Variants in ELAPOR1 observed in about 807,000 individuals in gnomAD.
The protein encoded by ELAPOR1 is endosome-lysosome associated apoptosis and autophagy regulator 1, also known as endosome/lysosome-associated apoptosis and autophagy regulator 1.
ELAPOR1 carries 77 observed loss-of-function variants against 119.7 expected under a neutral mutation model. That is an observed-to-expected ratio of 0.64 (90% confidence interval 0.54 to 0.78). The LOEUF (loss-of-function observed/expected upper bound fraction) is 0.78, where lower values mean the gene tolerates loss of function less well. Among genes scored for constraint, ELAPOR1 ranks in the 30% least tolerant of loss-of-function variants. The pLI is 0.00. For synonymous variants in ELAPOR1, 481 were observed against 487.2 expected, an observed-to-expected ratio of 0.99 and a Z score of 0.17; for missense variants, 1,115 against 1,270.4, an observed-to-expected ratio of 0.88 and a Z score of 1.86.
At chr1:109,126,964 G>A (rs1008061910) in intron 1 of ELAPOR1, among the ~76,000 whole-genome samples, 3 of 152,080 alleles carry the variant, frequency 2.0e-5, no homozygotes, top group Admixed American at 6.6e-5. Flanking sequence ...CAGATGGGCC[G>A]GGTGGAGAAT....
chr1:109,192,523 G>A, intron 13 of ELAPOR1, 88 bp from the exon 14 acceptor site: 1 of 1,368,888 alleles, frequency 7.3e-7, no homozygotes, highest in South Asian at 1.3e-5. Context: ...CAGGATAGAA[G>A]ATTAAGTACC....
rs941957435 is a variant in ELAPOR1 at position 109,188,108 on chromosome 1, C to T, written c.1042-69C>T. 13 of 1,535,684 alleles carry T rather than the reference C, an allele frequency of 8.5e-6. No homozygotes were observed. In the African/African-American group the frequency reaches 1.6e-4, roughly 19 times the overall value. On this transcript the variant is annotated intron_variant, in intron 8 of 21. Transcript: ENST00000369939. ...TGGATCTCTGCCCCCAGCCCCTATC[C>T]TCAAGGTAGAGTCCCAAAGATGTCC...
At chr1:109,153,648 GTTTTGTTTT>G (rs1412907488) in intron 1 of ELAPOR1, among the ~76,000 whole-genome samples, 1 of 151,760 alleles carries the variant, frequency 6.6e-6, no homozygotes, top group Non-Finnish European at 1.5e-5. Flanking sequence ...GTTTTGTTTT[GTTTTGTTTT>G]GAGACAGAGT....
intron 1 of ELAPOR1, among the ~76,000 whole-genome samples, chr1:109,117,040 G>A (rs909207584): frequency 9.1e-5 from 13 of 142,162 alleles, no homozygotes; most frequent in African/African-American, 3.4e-4. Flanking sequence ...AGCTGATGTT[G>A]GGTGTTGATG....
chr1:109,200,177 G>C lies in ELAPOR1; in HGVS notation c.2747G>C (p.Gly916Ala). ...TGGCTGAAAGTGGGCATCTCTGCAG[G>C]CACCTGTACTGCCATCCTGCTCACC... ...DFWLKVGISA[G>A]TCTAILLTVL... The change falls in exon 20 of 22, where the codon GGC becomes GCC. Residue 916 changes from glycine (G) to alanine (A), a missense_variant. Gly to Ala is a moderately conservative substitution (Grantham distance 60). Transcript: ENST00000369939. The C allele has an allele frequency of 6.2e-7, 1 of 1,614,206 alleles. No individual in the cohort carries two copies. Among genetic ancestry groups the C allele is most frequent in the Non-Finnish European group, 8.5e-7 (1 of 1,180,040 alleles).
chr1:109,192,529 GTACCTTGCTCTTTC>G (rs1653502606), intron 13 of ELAPOR1, 68 bp from the exon 14 acceptor site: 1 of 1,407,072 alleles, frequency 7.1e-7, no homozygotes, highest in South Asian at 1.3e-5. Context: ...AGAAGATTAA[GTACCTTGCTCTTTC>G]TAGAGGCCTC....
intron 15 of ELAPOR1, 65 bp from the exon 16 acceptor site, chr1:109,197,409 C>A: frequency 6.9e-7 from 1 of 1,444,464 alleles, no homozygotes; most frequent in South Asian, 1.2e-5. Flanking sequence ...TTCCCTATTC[C>A]CTTCTGGGAA....
rs1049648819 is a variant in ELAPOR1, at chr1:109,141,418, C to T, written c.154-20476C>T. On this transcript the variant is annotated intron_variant, in intron 1 of 21. Transcript: ENST00000369939. ...CTGGGACTACAGGCGCCTGCCACCA[C>T]GCCCGGCTAATTTTTTGTATTTTTA... is the stretch of plus-strand genomic sequence containing the variant. Among the ~76,000 whole-genome samples the T allele has an allele frequency of 4.0e-5, 6 of 151,596 alleles. No individual in the cohort carries two copies. The East Asian group carries it at 5.8e-4, about 15-fold the overall frequency.
At chr1:109,137,782 C>A in intron 1 of ELAPOR1, among the ~76,000 whole-genome samples, 1 of 152,294 alleles carries the variant, frequency 6.6e-6, no homozygotes, top group African/African-American at 2.4e-5. Context: ...CCCGCCTCGG[C>A]CCCCCAAAGT....
Position 109,188,125 on chromosome 1 carries a change from A to C in ELAPOR1, c.1042-52A>C. 4.5e-6 allele frequency: 7 copies of C among 1,553,026 alleles called. No homozygotes were observed. The South Asian group carries it at 4.8e-5, about 11-fold the overall frequency. On this transcript the variant is annotated intron_variant, in intron 8 of 21. Transcript: ENST00000369939. The stretch of plus-strand genomic sequence containing the variant: ...CCCCTATCCTCAAGGTAGAGTCCCA[A>C]AGATGTCCTAAATCTCACACAGGCT...
At chr1:109,122,958 ATTAG>A (rs988378627) in intron 1 of ELAPOR1, among the ~76,000 whole-genome samples, 1 of 152,156 alleles carries the variant, frequency 6.6e-6, no homozygotes, top group African/African-American at 2.4e-5. Flanking sequence ...GGGGATCTGT[ATTAG>A]TTAGCTTTTG....
At position 109,194,420 on chromosome 1, in the gene ELAPOR1, G is replaced by A; in HGVS notation, c.1948-1G>A. On this transcript the variant is annotated splice_acceptor_variant, in intron 14 of 21. Transcript: ENST00000369939. LOFTEE classifies it high-confidence loss of function. ...GCCCGACCCGTCCCTCTCCCCCTCA[G>A]ATCCACTCTCTGTGCTACAACGATT... The A allele has an allele frequency of 6.2e-7, 1 of 1,613,316 alleles. No individual in the cohort carries two copies.
At position 109,200,232 on chromosome 1, in the gene ELAPOR1, T is replaced by C; in HGVS notation, c.2802T>C (p.Asn934=). Residue 934 remains asparagine, a synonymous_variant, in exon 20 of 22, where the codon AAT becomes AAC. Transcript: ENST00000369939. ...TGACCTGCTACTTTTGGAAAAAGAA[T>C]CAAAAGTACATGTTGCGGTATTGGA... ...TVLTCYFWKK[N]QKLEYKYSKL... 2 of 1,613,968 alleles carry C rather than the reference T, an allele frequency of 1.2e-6. No homozygotes were observed. The highest frequency in any genetic ancestry group is 1.1e-5 in the South Asian group (1 of 91,080).
chr1:109,176,606 CTTT>C (rs1166255748), intron 7 of ELAPOR1, among the ~76,000 whole-genome samples: 2 of 127,796 alleles, frequency 1.6e-5, no homozygotes, highest in Admixed American at 7.9e-5. Flanking sequence ...CTTTTTTTTT[CTTT>C]TTTTTTTTTT....
chr1:109,173,445 G>A, intron 5 of ELAPOR1, 29 bp from the exon 6 acceptor site: 1 of 1,584,608 alleles, frequency 6.3e-7, no homozygotes, highest in Non-Finnish European at 8.7e-7. Context: ...TCTCTGTGAT[G>A]AATGAATGCT....
chr1:109,140,067 A>G (rs913892569), intron 1 of ELAPOR1, among the ~76,000 whole-genome samples: 1 of 151,692 alleles, frequency 6.6e-6, no homozygotes, highest in Non-Finnish European at 1.5e-5. Flanking sequence ...CCAGCTATGT[A>G]TTCATAACAT....
chr1:109,115,753 A>C (rs974224383), intron 1 of ELAPOR1, among the ~76,000 whole-genome samples: 3 of 152,228 alleles, frequency 2.0e-5, no homozygotes, highest in Non-Finnish European at 2.9e-5. Flanking sequence ...AAGATTCATG[A>C]ATATGACATA....
chr1:109,171,648 C>A (rs1168444234), intron 3 of ELAPOR1, among the ~76,000 whole-genome samples: 1 of 152,238 alleles, frequency 6.6e-6, no homozygotes, highest in Non-Finnish European at 1.5e-5. Flanking sequence ...GTTTTCCTCA[C>A]CTGTCTGCCT....
chr1:109,114,272 T>C lies in ELAPOR1; in HGVS notation c.89T>C (p.Leu30Pro). 1 of 1,600,448 alleles carries C rather than the reference T, an allele frequency of 6.2e-7. No homozygotes were observed. The highest frequency in any genetic ancestry group is 1.1e-5 in the South Asian group (1 of 88,794). The change falls in exon 1 of 22, where the codon CTC becomes CCC. Residue 30 changes from leucine to proline, a missense_variant. Leu to Pro is a moderately conservative substitution (Grantham distance 98). Coordinates refer to ENST00000369939, the MANE Select transcript of ELAPOR1 (RefSeq NM_020775.5). ...ATACCCCGGCTGTGGCGGCTGCTGC[T>C]CTGGGCTGGGACCGCCTTCCAGGTG... ...RRIPRLWRLLLWAGTAFQVTQ... is the reference protein window; with the variant it reads ...RRIPRLWRLLPWAGTAFQVTQ...
Sources: allele counts gnomAD v4.1 joint callset (sites outside exome capture counted in the v4.1 genomes callset), GRCh38; gene constraint gnomAD v4.1.1; transcripts MANE v1.5; gene names NCBI Gene and HGNC (gene_info 2026-07-23, HGNC 2026-07-21).